ENPEP: variants seen among roughly 807,000 people sequenced by gnomAD.
The protein encoded by ENPEP is AP-A.
Under a neutral mutation model 114.5 loss-of-function variants are expected in ENPEP, and 103 were observed. The ratio of observed to expected loss-of-function variants is 0.90; its 90% CI spans 0.77 to 1.06. The LOEUF is 1.06. Ranked by LOEUF, ENPEP falls within the 50% of genes least tolerant of loss-of-function variation. ENPEP has a pLI of 0.00. For missense variants in ENPEP, 1,196 were observed against 1,161.3 expected (o/e 1.03, Z -0.43); for synonymous variants, 420 against 422.0 (o/e 1.00, Z 0.06).
chr4:110,512,350 C>T (rs1328525992), intron 6 of ENPEP: 1 of 152,108 alleles, frequency 6.6e-6, no homozygotes, highest in Non-Finnish European at 1.5e-5. Context: ...AATCCAAAAT[C>T]ACACACACAG....
chr4:110,520,104 C>A (rs1200545817), intron 9 of ENPEP, 31 bp downstream of exon 9: 6 of 1,607,558 alleles, frequency 3.7e-6, no homozygotes, highest in Admixed American at 3.4e-5. Flanking sequence ...CCAAATATTT[C>A]TTTGTCTGAT....
At position 110,513,624 on chromosome 4, in the gene ENPEP, TA is replaced by T; in HGVS notation, c.1443+77del. 3 of 1,560,962 alleles carry T rather than the reference TA, an allele frequency of 1.9e-6. No individual in the cohort carries two copies. In the South Asian group the frequency reaches 3.6e-5, roughly 19 times the overall value. Reference sequence around the variant, plus strand: ...TCTTTTAGTGGATACCTAAAAATGGTAAGAATGGTCACACTGTGCCAGTGAG... The same window carrying T: ...TCTTTTAGTGGATACCTAAAAATGGTAGAATGGTCACACTGTGCCAGTGAG... On this transcript the variant is annotated intron_variant, in intron 7 of 19. Coordinates refer to ENST00000265162, the MANE Select transcript of ENPEP (RefSeq NM_001977.4).
chr4:110,552,580 A>G (rs1384269061), intron 17 of ENPEP, among the ~76,000 whole-genome samples: 1 of 152,150 alleles, frequency 6.6e-6, no homozygotes, highest in Admixed American at 6.6e-5. Flanking sequence ...ATGAAAATAC[A>G]TCTAATCTAT....
chr4:110,480,394 A>T (rs1724266334), intron 1 of ENPEP, among the ~76,000 whole-genome samples: 1 of 152,124 alleles, frequency 6.6e-6, no homozygotes, highest in African/African-American at 2.4e-5. Context: ...GGCTCCATAT[A>T]AGGGCCACCA....
At chr4:110,524,696 C>G (rs554819296) in intron 10 of ENPEP, among the ~76,000 whole-genome samples, 1 of 152,136 alleles carries the variant, frequency 6.6e-6, no homozygotes, top group Non-Finnish European at 1.5e-5. Flanking sequence ...TTAAGATTTT[C>G]TAAGTATTTC....
chr4:110,560,094 T>G (rs1220242108), intron 19 of ENPEP, among the ~76,000 whole-genome samples: 1 of 152,234 alleles, frequency 6.6e-6, no homozygotes, highest in East Asian at 1.9e-4. Flanking sequence ...GTTTCCAGCT[T>G]CATCCATGTC....
chr4:110,506,562 G>A (rs1388073561), intron 3 of ENPEP, 75 bp from the exon 4 acceptor site: 1 of 1,472,346 alleles, frequency 6.8e-7, no homozygotes, highest in African/African-American at 1.4e-5. Flanking sequence ...TTTCAAGTAT[G>A]TTATGCATCA....
chr4:110,499,961 T>A (rs1725091011), intron 3 of ENPEP: 5 of 152,134 alleles, frequency 3.3e-5, no homozygotes, highest in Admixed American at 3.3e-4. Flanking sequence ...AAATTTAAGT[T>A]CTCAATAATA....
At chr4:110,488,498 A>G in intron 1 of ENPEP, 43 bp from the exon 2 acceptor site, 3 of 1,551,332 alleles carry the variant, frequency 1.9e-6, no homozygotes, top group Non-Finnish European at 2.6e-6. Context: ...GGTTGTCAGA[A>G]GAGGCAGCAT....
intron 2 of ENPEP, among the ~76,000 whole-genome samples, chr4:110,489,218 A>G (rs1181199657): frequency 6.6e-6 from 1 of 152,108 alleles, no homozygotes; most frequent in African/African-American, 2.4e-5. Flanking sequence ...GAGAAAAAAA[A>G]AAAACAGGCT....
Position 110,476,434 on chromosome 4 carries a change from AG to A in ENPEP, c.23del (p.Gly8AlafsTer22). On this transcript the variant is annotated frameshift_variant, in exon 1 of 20. Coordinates refer to ENST00000265162, the MANE Select transcript of ENPEP (RefSeq NM_001977.4). LOFTEE classifies it high-confidence loss of function. ...GCAAAAATGAACTTTGCGGAGAGAGAGGGCTCTAAGAGATACTGCATTCAAA... is the reference window on the plus strand; with the variant it reads ...GCAAAAATGAACTTTGCGGAGAGAGAGGCTCTAAGAGATACTGCATTCAAA... MNFAEREGSKRYCIQTK... is the reference protein window; with the variant it reads MNFAERXGSKRYCIQTK... 6 of 1,517,948 alleles carry A rather than the reference AG, an allele frequency of 4.0e-6. No homozygotes were observed. The highest frequency in any genetic ancestry group is 4.4e-6 in the Non-Finnish European group (5 of 1,131,928). The allele number at this position is 1,517,948 out of a possible 1,614,324, so 94.0% of individuals were successfully genotyped here.
chr4:110,519,230 G>T (rs575299041), intron 8 of ENPEP: 100 of 399,416 alleles, frequency 2.5e-4, no homozygotes, highest in South Asian at 1.8e-3. Flanking sequence ...AGGAGGTAAC[G>T]TGATTTAGGT....
intron 3 of ENPEP, among the ~76,000 whole-genome samples, chr4:110,492,149 C>T (rs1724748631): frequency 6.6e-6 from 1 of 152,068 alleles, no homozygotes. Context: ...CACCTCTGTG[C>T]CATATATGTC....
At chr4:110,540,322 C>T (rs1726804358) in intron 11 of ENPEP, among the ~76,000 whole-genome samples, 1 of 152,022 alleles carries the variant, frequency 6.6e-6, no homozygotes, top group Non-Finnish European at 1.5e-5. Context: ...AGGTAAAAAA[C>T]ATGTTAACTG....
chr4:110,492,069 T>C (rs1025009951), intron 3 of ENPEP, among the ~76,000 whole-genome samples: 2 of 152,096 alleles, frequency 1.3e-5, no homozygotes, highest in African/African-American at 2.4e-5. Context: ...ATTAATTTTT[T>C]CATTTTGGAG....
intron 13 of ENPEP, among the ~76,000 whole-genome samples, chr4:110,546,906 C>T (rs934017053): frequency 6.6e-6 from 1 of 151,966 alleles, no homozygotes; most frequent in African/African-American, 2.4e-5. Flanking sequence ...CCCTTCACAC[C>T]ACCTGAAAAA....
intron 3 of ENPEP, among the ~76,000 whole-genome samples, chr4:110,505,197 A>C (rs912713483): frequency 6.6e-6 from 1 of 152,178 alleles, no homozygotes; most frequent in Non-Finnish European, 1.5e-5. Flanking sequence ...GTTTCACTCA[A>C]CTTCTTGGAA....
chr4:110,539,680 G>A (rs1302113646), intron 11 of ENPEP, among the ~76,000 whole-genome samples: 2 of 152,054 alleles, frequency 1.3e-5, no homozygotes, highest in South Asian at 2.1e-4. Flanking sequence ...GTGAGTCACC[G>A]TGCCCGGCCT....
chr4:110,497,137 T>C (rs1051493481), intron 3 of ENPEP, among the ~76,000 whole-genome samples: 4 of 152,204 alleles, frequency 2.6e-5, no homozygotes, highest in Non-Finnish European at 5.9e-5. Context: ...CATTCCCCAG[T>C]GGATGTCCAC....
Sources: gnomAD v4.1 joint callset for allele counts (sites outside exome capture counted in the v4.1 genomes callset) on GRCh38, gnomAD v4.1.1 for gene constraint, MANE v1.5 for transcripts, NCBI Gene and HGNC (gene_info 2026-07-23, HGNC 2026-07-21) for gene names.